IARS1: variants seen among roughly 807,000 people sequenced by gnomAD.
The protein encoded by IARS1 is isoleucine--tRNA ligase, cytoplasmic.
In IARS1, 124 loss-of-function variants were observed where a neutral mutation model predicts 168.2. The observed-to-expected ratio is 0.74, with a 90% confidence interval of 0.64 to 0.86. IARS1 has a LOEUF of 0.86. Among genes scored for constraint, IARS1 ranks in the 40% least tolerant of loss-of-function variants. IARS1 has a pLI of 0.00. For missense variants in IARS1, 1,452 were observed against 1,515.8 expected, an observed-to-expected ratio of 0.96 and a Z score of 0.70; for synonymous variants, 532 against 529.4, an observed-to-expected ratio of 1.00 and a Z score of -0.07.
chr9:92,217,518 G>C (rs1223043604), intron 33 of IARS1, among the ~76,000 whole-genome samples: 3 of 140,974 alleles, frequency 2.1e-5, no homozygotes, highest in Non-Finnish European at 4.6e-5. Context: ...AAAATTGACA[G>C]ACCACTAGCA....
intron 30 of IARS1, among the ~76,000 whole-genome samples, chr9:92,238,223 T>C (rs1827840242): frequency 6.6e-6 from 1 of 152,098 alleles, no homozygotes; most frequent in African/African-American, 2.4e-5. Flanking sequence ...TGATTTTCTC[T>C]CCTAGCTTCT....
At chr9:92,213,030 A>T (rs764007464) in intron 33 of IARS1, among the ~76,000 whole-genome samples, 13 of 152,174 alleles carry the variant, frequency 8.5e-5, no homozygotes, top group Admixed American at 7.9e-4. Flanking sequence ...GAGTCACTGA[A>T]AATAAACCCA....
At chr9:92,268,524 G>A (rs1447375792) in intron 13 of IARS1, among the ~76,000 whole-genome samples, 1 of 152,124 alleles carries the variant, frequency 6.6e-6, no homozygotes, top group African/African-American at 2.4e-5. Context: ...CAGCACACAG[G>A]CCTCCCATGT....
rs1587771036 is a variant in IARS1 at position 92,243,208 on chromosome 9, A to G, written c.3000+8T>C. 4.3e-6 allele frequency: 7 copies of G among 1,609,786 alleles called. No homozygotes were observed. The highest frequency in any genetic ancestry group is 6.0e-6 in the Non-Finnish European group (7 of 1,176,220). On this transcript the variant is annotated splice_region_variant and intron_variant, in intron 28 of 33. Coordinates refer to ENST00000443024, the MANE Select transcript of IARS1 (RefSeq NM_002161.6). ...AAACAGTAGCTTATTCTTAACTGAC[A>G]AACTAACCTTTTTGCGAAGTTTCTG...
chr9:92,271,982 T>A (rs1298349507), intron 10 of IARS1, among the ~76,000 whole-genome samples: 2 of 152,210 alleles, frequency 1.3e-5, no homozygotes, highest in Non-Finnish European at 2.9e-5. Flanking sequence ...GAATGGCTAC[T>A]CCATAAGCAG....
intron 25 of IARS1, 61 bp from the exon 26 acceptor site, chr9:92,247,612 A>AT: frequency 6.9e-7 from 1 of 1,459,820 alleles, no homozygotes; most frequent in Admixed American, 1.8e-5. Flanking sequence ...TCACACAAAA[A>AT]TGTAGGTCCA....
At chr9:92,253,529 A>C (rs1159316538) in intron 20 of IARS1, 76 bp from the exon 21 acceptor site, 22 of 893,980 alleles carry the variant, frequency 2.5e-5, no homozygotes, top group Non-Finnish European at 3.9e-5. Flanking sequence ...TGGATACAAC[A>C]AAGAAGGGGC....
intron 10 of IARS1, among the ~76,000 whole-genome samples, chr9:92,271,978 C>T (rs1833107258): frequency 6.6e-6 from 1 of 152,166 alleles, no homozygotes; most frequent in East Asian, 1.9e-4. Flanking sequence ...TAAAGAATGG[C>T]TACTCCATAA....
intron 7 of IARS1, 146 bp downstream of exon 7, chr9:92,280,598 CAA>C (rs1834400542): frequency 2.1e-6 from 1 of 472,976 alleles, no homozygotes; most frequent in Admixed American, 3.9e-5. Flanking sequence ...GAAATGAAAA[CAA>C]ATGTTTAAAG....
In IARS1 at chr9:92,247,535, T is replaced by G; in HGVS notation, c.2633A>C (p.Lys878Thr). The G allele has an allele frequency of 6.2e-7, 1 of 1,613,440 alleles. No individual in the cohort carries two copies. The highest frequency in any genetic ancestry group is 8.5e-7 in the Non-Finnish European group (1 of 1,179,850). Reference sequence around the variant, plus strand: ...GTTTTTATCTGTAGACAGTGTAACTTTTCGAACATTGAGTTCCTACAGTTA... The same window carrying G: ...GTTTTTATCTGTAGACAGTGTAACTGTTCGAACATTGAGTTCCTACAGTTA... ...KYIIEELNVR[K>T]VTLSTDKNKY... Residue 878 changes from lysine to threonine, a missense_variant, in exon 26 of 34, where the codon AAA becomes ACA. By Grantham distance (78) the Lys-to-Thr change is moderately conservative. Transcript: ENST00000443024.
At chr9:92,235,500 G>A (rs897489417) in intron 30 of IARS1, among the ~76,000 whole-genome samples, 7 of 149,874 alleles carry the variant, frequency 4.7e-5, no homozygotes, top group Non-Finnish European at 7.4e-5. Flanking sequence ...CTGACAATAC[G>A]ATAATTACAT....
At chr9:92,270,524 G>A (rs1832868393) in intron 12 of IARS1, among the ~76,000 whole-genome samples, 1 of 152,200 alleles carries the variant, frequency 6.6e-6, no homozygotes, top group Non-Finnish European at 1.5e-5. Flanking sequence ...ACCAGGCGCT[G>A]TGGCTCATGC....
chr9:92,286,666 T>C (rs764132756), intron 4 of IARS1, 48 bp from the exon 5 acceptor site: 11 of 1,038,680 alleles, frequency 1.1e-5, no homozygotes, highest in African/African-American at 3.2e-5. Context: ...ATATTTATAA[T>C]TGTACATCAA....
intron 17 of IARS1, among the ~76,000 whole-genome samples, chr9:92,262,049 C>A (rs1428537870): frequency 6.8e-6 from 1 of 147,164 alleles, no homozygotes; most frequent in Non-Finnish European, 1.5e-5. Context: ...AGCACCCAGC[C>A]CTCAATAAAA....
At chr9:92,217,968 C>T (rs1339720947) in intron 33 of IARS1, among the ~76,000 whole-genome samples, 1 of 151,914 alleles carries the variant, frequency 6.6e-6, no homozygotes, top group East Asian at 1.9e-4. Flanking sequence ...AGAGACACAA[C>T]CAAAAAAGAG....
At chr9:92,251,054 T>C (rs888855068) in intron 22 of IARS1, 4 of 585,262 alleles carry the variant, frequency 6.8e-6, no homozygotes, top group South Asian at 4.6e-5. Flanking sequence ...ACCTCTAGAA[T>C]TCTGAAGGAT....
intron 6 of IARS1, among the ~76,000 whole-genome samples, chr9:92,282,968 C>T (rs1443590284): frequency 6.6e-6 from 1 of 151,556 alleles, no homozygotes; most frequent in Non-Finnish European, 1.5e-5. Flanking sequence ...CATTCTCTTA[C>T]TTCAGCCTGT....
intron 25 of IARS1, among the ~76,000 whole-genome samples, chr9:92,249,540 C>G (rs550597181): frequency 2.6e-5 from 4 of 151,736 alleles, no homozygotes; most frequent in African/African-American, 9.7e-5. Context: ...GTGAGAGACT[C>G]TGTCGAAAGA....
At position 92,242,260 on chromosome 9, in the gene IARS1, C is replaced by T; in HGVS notation, c.3071G>A (p.Ser1024Asn). 6.2e-7 allele frequency: 1 copy of T among 1,613,766 alleles called. No individual in the cohort carries two copies. The highest frequency in any genetic ancestry group is 1.3e-5 in the African/African-American group (1 of 75,022). The change falls in exon 29 of 34, where the codon AGT becomes AAT. Residue 1024 changes from serine to asparagine, a missense_variant. Physicochemically the swap from Ser to Asn is conservative, Grantham distance 46. Coordinates refer to ENST00000443024, the MANE Select transcript of IARS1 (RefSeq NM_002161.6). ...GAACTCTGTGTGGCTTTCAATAACA[C>T]TATTCAGATATGTTCCTTCAGACTT... The part of the protein sequence containing the change: ...KAKSEGTYLN[S>N]VIESHTEFIF...
Sources: allele counts gnomAD v4.1 joint callset (sites outside exome capture counted in the v4.1 genomes callset), GRCh38; gene constraint gnomAD v4.1.1; transcripts MANE v1.5; gene names NCBI Gene and HGNC (gene_info 2026-07-23, HGNC 2026-07-21).